The following GCSH variants were observed in gnomAD, a reference collection of about 807,000 sequenced individuals.
GCSH encodes glycine cleavage system H protein, mitochondrial.
A neutral mutation model predicts 21.3 loss-of-function variants in GCSH; 15 were observed. That is an observed-to-expected ratio of 0.70 (90% CI 0.47 to 1.08). GCSH has a LOEUF of 1.08. Among genes scored for constraint, GCSH ranks in the 50% least tolerant of loss-of-function variants. GCSH has a pLI of 0.00. For missense variants in GCSH, 179 were observed against 217.5 expected (o/e 0.82, Z 1.11); for synonymous variants, 59 against 84.5 (o/e 0.70, Z 1.66).
chr16:81,087,600 C>T lies in GCSH; in HGVS notation c.292+1G>A, dbSNP rs62054483. The T allele has an allele frequency of 1.3e-6, 2 of 1,587,864 alleles. No individual in the cohort carries two copies. The highest frequency in any genetic ancestry group is 1.7e-6 in the Non-Finnish European group (2 of 1,156,896). ...CATTCTAAGATCCTAAGAACACTCA[C>T]CTTGTTTGTTCAATTTTGTCCCAAC... On this transcript the variant is annotated splice_donor_variant, in intron 3 of 4. Coordinates refer to ENST00000315467, the MANE Select transcript of GCSH (RefSeq NM_004483.5). LOFTEE classifies it high-confidence loss of function.
intron 4 of GCSH, 139 bp downstream of exon 4, chr16:81,084,324 T>C: frequency 1.3e-6 from 1 of 748,500 alleles, no homozygotes; most frequent in Non-Finnish European, 2.4e-6. Context: ...CCTCTGTTTT[T>C]CTTTTAAAGC....
intron 1 of GCSH, among the ~76,000 whole-genome samples, chr16:81,091,574 A>T (rs886649291): frequency 1.3e-5 from 2 of 152,216 alleles, no homozygotes; most frequent in Admixed American, 1.3e-4. Context: ...TGCTATATTA[A>T]ATACAGTTCA....
intron 2 of GCSH, among the ~76,000 whole-genome samples, chr16:81,088,890 A>C (rs1972336706): frequency 6.6e-6 from 1 of 152,160 alleles, no homozygotes; most frequent in Non-Finnish European, 1.5e-5. Flanking sequence ...AGGTAAGTGA[A>C]TTACAACCCC....
chr16:81,087,436 T>C (rs1972306061), intron 3 of GCSH, among the ~76,000 whole-genome samples, 165 bp downstream of exon 3: 1 of 151,332 alleles, frequency 6.6e-6, no homozygotes, highest in Admixed American at 6.6e-5. Flanking sequence ...AGGCAGAGGT[T>C]ACAGTGGGCC....
intron 3 of GCSH, among the ~76,000 whole-genome samples, chr16:81,087,107 C>T (rs1409724812): frequency 6.6e-6 from 1 of 151,846 alleles, no homozygotes; most frequent in Admixed American, 6.6e-5. Context: ...GCTCTGTTGC[C>T]CAGGCTGGAG....
chr16:81,089,482 T>G (rs780898459), intron 2 of GCSH, among the ~76,000 whole-genome samples: 8 of 152,196 alleles, frequency 5.3e-5, no homozygotes, highest in Non-Finnish European at 1.0e-4. Context: ...TACAGTAACA[T>G]GCTGTACAGG....
At chr16:81,083,251 C>T (rs950981824) in intron 4 of GCSH, 6 of 386,818 alleles carry the variant, frequency 1.6e-5, no homozygotes, top group South Asian at 1.4e-4. Flanking sequence ...GGCACGGTGG[C>T]TCATGCCTGT....
chr16:81,093,967 TCTAGGCTCGCTGCAAC>T (rs889211324), intron 1 of GCSH, among the ~76,000 whole-genome samples: 7 of 152,026 alleles, frequency 4.6e-5, no homozygotes, highest in African/African-American at 1.4e-4. Flanking sequence ...AGTGGTGCAA[TCTAGGCTCGCTGCAAC>T]CTCTGCCTCC....
chr16:81,089,707 T>G (rs1442690251), intron 2 of GCSH, among the ~76,000 whole-genome samples: 4 of 152,212 alleles, frequency 2.6e-5, no homozygotes, highest in African/African-American at 9.6e-5. Flanking sequence ...ATACATCCAG[T>G]TGAAAATCAC....
At position 81,081,990 on chromosome 16, in the gene GCSH, A is replaced by T; in HGVS notation, c.*876T>A. The T allele has an allele frequency of 2.2e-6, 1 of 453,194 alleles. No individual in the cohort carries two copies. Among genetic ancestry groups the T allele is most frequent in the Non-Finnish European group, 4.4e-6 (1 of 226,244 alleles). The allele number at this position is 453,194 out of a possible 1,614,324, so 28.1% of individuals were successfully genotyped here. A position where few individuals can be genotyped will look rare whatever the true frequency, so the allele number is the denominator to read the frequency against. The stretch of plus-strand genomic sequence containing the variant: ...GTCCTTGTCCACTTTTATTCCCATG[A>T]CTTAAGTGGAAACCTGAACGTGGTT... On this transcript the variant is annotated 3_prime_UTR_variant, in exon 5 of 5. Coordinates refer to ENST00000315467, the MANE Select transcript of GCSH (RefSeq NM_004483.5).
At chr16:81,087,552 TA>T (rs1567588122) in intron 3 of GCSH, 48 bp downstream of exon 3, 1 of 1,280,104 alleles carries the variant, frequency 7.8e-7, no homozygotes. Context: ...CTATTCAATG[TA>T]AACAAAATTC....
intron 1 of GCSH, chr16:81,091,043 C>T (rs948638017): frequency 1.6e-5 from 7 of 447,750 alleles, no homozygotes; most frequent in Middle Eastern, 3.5e-4. Context: ...CCTCTGAAGA[C>T]AAATTTGGGG....
intron 1 of GCSH, among the ~76,000 whole-genome samples, chr16:81,095,117 G>C (rs1338117126): frequency 7.5e-6 from 1 of 133,144 alleles, no homozygotes; most frequent in Admixed American, 7.7e-5. Flanking sequence ...AAAAAAAAAA[G>C]AAAATTGTTT....
chr16:81,093,516 G>C (rs1175962245), intron 1 of GCSH, among the ~76,000 whole-genome samples: 1 of 152,078 alleles, frequency 6.6e-6, no homozygotes, highest in East Asian at 1.9e-4. Context: ...CCCAAGTTTA[G>C]AGGGAGACGG....
intron 4 of GCSH, chr16:81,083,199 G>C: frequency 1.9e-6 from 1 of 522,276 alleles, no homozygotes; most frequent in Non-Finnish European, 3.5e-6. Context: ...CTCTTAGGTT[G>C]TAATAAGCAT....
intron 3 of GCSH, among the ~76,000 whole-genome samples, chr16:81,086,520 G>A (rs1018100110): frequency 9.9e-5 from 15 of 151,982 alleles, no homozygotes; most frequent in East Asian, 7.7e-4. Context: ...TCGCACCATC[G>A]CATTCCAGCC....
chr16:81,082,785 T>A lies in GCSH; in HGVS notation c.*81A>T, dbSNP rs774333184. On this transcript the variant is annotated 3_prime_UTR_variant, in exon 5 of 5. Transcript: ENST00000315467. ...TCGGTAATACTAAAAGTTTCTATTC[T>A]AAGTCTTCTATCCACCACTAATTTA... 8.1e-6 allele frequency: 6 copies of A among 741,550 alleles called. No individual in the cohort carries two copies. In the South Asian group the frequency reaches 8.8e-5, roughly 11 times the overall value. 45.9% of individuals were successfully genotyped at this position (741,550 alleles called of 1,614,324 possible).
chr16:81,093,668 C>A (rs963772978), intron 1 of GCSH, among the ~76,000 whole-genome samples: 1 of 151,916 alleles, frequency 6.6e-6, no homozygotes, highest in Non-Finnish European at 1.5e-5. Context: ...TGGTGAAACC[C>A]CGTCTCTACT....
chr16:81,088,131 T>C (rs1021671226), intron 2 of GCSH, among the ~76,000 whole-genome samples: 1 of 151,724 alleles, frequency 6.6e-6, no homozygotes, highest in Non-Finnish European at 1.5e-5. Context: ...ATGTCAAGAA[T>C]AAAAATAAAT....
Sources: allele counts gnomAD v4.1 joint callset (sites outside exome capture counted in the v4.1 genomes callset), GRCh38; gene constraint gnomAD v4.1.1; transcripts MANE v1.5; gene names NCBI Gene and HGNC (gene_info 2026-07-23, HGNC 2026-07-21).